The following C1orf185 variants were observed in gnomAD, a reference collection of about 807,000 sequenced individuals.
C1orf185 encodes the protein uncharacterized protein C1orf185.
A neutral mutation model predicts 16.1 loss-of-function variants in C1orf185; 13 were observed. That is an observed-to-expected ratio of 0.81 (90% CI 0.53 to 1.28). C1orf185 has a LOEUF of 1.28. Among genes scored for constraint, C1orf185 ranks in the 50% most tolerant of loss-of-function variants. C1orf185 has a pLI of 0.00. For missense variants in C1orf185, 220 were observed against 225.2 expected (o/e 0.98, Z 0.15); for synonymous variants, 80 against 76.9 (o/e 1.04, Z -0.21).
intron 2 of C1orf185, among the ~76,000 whole-genome samples, chr1:51,116,514 A>G (rs910998505): frequency 3.3e-4 from 50 of 152,028 alleles, no homozygotes; most frequent in African/African-American, 1.1e-3. Flanking sequence ...GGGTTTTGCT[A>G]TGTTGTCCAG....
chr1:51,138,713 A>G (rs746241949), intron 3 of C1orf185, among the ~76,000 whole-genome samples: 22 of 151,164 alleles, frequency 1.5e-4, no homozygotes, highest in Non-Finnish European at 2.2e-4. Context: ...TTTAAGACAG[A>G]GTCTTGCTCT....
At chr1:51,116,187 A>G (rs1646156086) in intron 2 of C1orf185, among the ~76,000 whole-genome samples, 1 of 152,102 alleles carries the variant, frequency 6.6e-6, no homozygotes, top group African/African-American at 2.4e-5. Flanking sequence ...AGTTCTCATT[A>G]TCCCCCACAG....
intron 1 of C1orf185, among the ~76,000 whole-genome samples, chr1:51,109,603 A>T (rs1646101193): frequency 6.6e-6 from 1 of 152,012 alleles, no homozygotes; most frequent in Non-Finnish European, 1.5e-5. Context: ...GGTGAGAGAT[A>T]AGGGTCTTCT....
chr1:51,124,459 A>G (rs1316756120), intron 3 of C1orf185, among the ~76,000 whole-genome samples: 1 of 152,236 alleles, frequency 6.6e-6, no homozygotes, highest in Non-Finnish European at 1.5e-5. Flanking sequence ...GGAGAAAGCC[A>G]GGAAAGAATT....
intron 2 of C1orf185, among the ~76,000 whole-genome samples, chr1:51,113,406 G>A (rs745869685): frequency 6.6e-6 from 1 of 151,544 alleles, no homozygotes; most frequent in South Asian, 2.1e-4. Flanking sequence ...ATTTCAGGCC[G>A]GGTGCCGTGG....
intron 1 of C1orf185, 116 bp downstream of exon 1, chr1:51,102,365 GA>G: frequency 1.6e-6 from 1 of 625,014 alleles, no homozygotes; most frequent in Non-Finnish European, 2.9e-6. Context: ...TATAAGATAA[GA>G]AATACTTGAA....
chr1:51,111,533 C>G (rs550185598), intron 1 of C1orf185, among the ~76,000 whole-genome samples: 1 of 151,754 alleles, frequency 6.6e-6, no homozygotes, highest in Admixed American at 6.6e-5. Flanking sequence ...GCCATCACAC[C>G]TGGTTAATTT....
chr1:51,123,106 G>A (rs1470436286), intron 3 of C1orf185, among the ~76,000 whole-genome samples: 1 of 152,160 alleles, frequency 6.6e-6, no homozygotes, highest in African/African-American at 2.4e-5. Context: ...GTGGCATAGG[G>A]CATCACATGG....
downstream of C1orf185, among the ~76,000 whole-genome samples, chr1:51,151,311 T>C (rs953540532): frequency 6.6e-6 from 1 of 152,182 alleles, no homozygotes; most frequent in African/African-American, 2.4e-5. Flanking sequence ...ACTTTTCGGA[T>C]TGGGGTAAGA....
chr1:51,138,716 C>G (rs781144739), intron 3 of C1orf185, among the ~76,000 whole-genome samples: 3 of 151,744 alleles, frequency 2.0e-5, no homozygotes, highest in Non-Finnish European at 4.4e-5. Context: ...AAGACAGAGT[C>G]TTGCTCTATC....
intron 1 of C1orf185, chr1:51,107,390 T>C (rs895458640): frequency 6.6e-6 from 1 of 152,218 alleles, no homozygotes; most frequent in African/African-American, 2.4e-5. Context: ...AAGTTTGTGT[T>C]CTATCCACAG....
intron 3 of C1orf185, among the ~76,000 whole-genome samples, chr1:51,136,607 A>T (rs1196569630): frequency 3.3e-5 from 5 of 152,174 alleles, no homozygotes; most frequent in Non-Finnish European, 5.9e-5. Flanking sequence ...CCACACACCT[A>T]CAATGATCTG....
intron 3 of C1orf185, among the ~76,000 whole-genome samples, chr1:51,138,593 C>T (rs28654087): frequency 0.046 from 6,961 of 152,148 alleles, 188 homozygotes; most frequent in African/African-American, 0.056. Context: ...GGGCTTTCAC[C>T]GTGTTAACTA....
intron 3 of C1orf185, among the ~76,000 whole-genome samples, chr1:51,127,060 A>T (rs74080733): frequency 0.013 from 1,914 of 152,256 alleles, 41 homozygotes; most frequent in African/African-American, 0.044. Context: ...AATGTGATTT[A>T]AAAAATATTT....
chr1:51,118,981 T>C (rs987275901), intron 3 of C1orf185, among the ~76,000 whole-genome samples, 180 bp downstream of exon 3: 2 of 152,338 alleles, frequency 1.3e-5, no homozygotes, highest in African/African-American at 4.8e-5. Context: ...ATATATCACC[T>C]TCTACAGTTG....
intron 3 of C1orf185, among the ~76,000 whole-genome samples, chr1:51,124,241 C>T (rs1459292269): frequency 1.3e-5 from 2 of 152,058 alleles, no homozygotes; most frequent in Non-Finnish European, 2.9e-5. Context: ...GCCACCATGC[C>T]CGGCTAATTT....
chr1:51,123,728 C>T (rs1395277236), intron 3 of C1orf185, among the ~76,000 whole-genome samples: 1 of 152,106 alleles, frequency 6.6e-6, no homozygotes, highest in Admixed American at 6.6e-5. Context: ...AGTGGTATCT[C>T]ATTTTAATTT....
intron 3 of C1orf185, among the ~76,000 whole-genome samples, chr1:51,120,856 G>A (rs1483453159): frequency 6.6e-6 from 1 of 152,152 alleles, no homozygotes; most frequent in Non-Finnish European, 1.5e-5. Flanking sequence ...TTAGGTCACT[G>A]GGAATTTGGA....
intron 3 of C1orf185, among the ~76,000 whole-genome samples, chr1:51,130,121 A>G (rs1434291984): frequency 6.6e-6 from 1 of 152,184 alleles, no homozygotes; most frequent in Non-Finnish European, 1.5e-5. Flanking sequence ...CAGCTTGCAC[A>G]TAAAGGGCCA....
Sources: gnomAD v4.1 joint callset for allele counts (sites outside exome capture counted in the v4.1 genomes callset) on GRCh38, gnomAD v4.1.1 for gene constraint, MANE v1.5 for transcripts, NCBI Gene and HGNC (gene_info 2026-07-23, HGNC 2026-07-21) for gene names.